Variants in DIAPH2 observed in about 807,000 individuals in gnomAD.
DIAPH2 encodes diaphanous related formin 2.
Under a neutral mutation model 92.7 loss-of-function variants are expected in DIAPH2, and 35 were observed. The observed-to-expected ratio is 0.38, with a 90% CI of 0.29 to 0.50. The LOEUF (loss-of-function observed/expected upper bound fraction) is 0.50. DIAPH2 is among the 20% of genes least tolerant of loss of function. The pLI is 0.94. For missense variants in DIAPH2, 701 were observed against 819.5 expected (o/e 0.86, Z 1.77); for synonymous variants, 301 against 280.4 (o/e 1.07, Z -0.73).
At chrX:97,208,559 A>G (rs1260095159) in intron 22 of DIAPH2, among the ~76,000 whole-genome samples, 1 of 112,118 alleles carries the variant, frequency 8.9e-6, no homozygotes, top group South Asian at 3.7e-4. Flanking sequence ...ACTTTTGCCA[A>G]AAGGGAATGA....
chrX:97,325,296 C>CT (rs1474311466), intron 23 of DIAPH2, among the ~76,000 whole-genome samples: 1 of 111,693 alleles, frequency 9.0e-6, no homozygotes. Context: ...ATCTGCAACT[C>CT]TGCTTCTTAT....
At chrX:97,154,042 C>A (rs1039108225) in intron 22 of DIAPH2, among the ~76,000 whole-genome samples, 1 of 111,609 alleles carries the variant, frequency 9.0e-6, no homozygotes, top group African/African-American at 3.3e-5. Context: ...AAAAAATTTT[C>A]TTTTATGTGC....
At chrX:96,933,070 G>C (rs1427928986) in intron 10 of DIAPH2, among the ~76,000 whole-genome samples, 1 of 110,537 alleles carries the variant, frequency 9.0e-6, no homozygotes, top group African/African-American at 3.3e-5. Flanking sequence ...GAAAGTTTTG[G>C]AATAGAACCT....
At chrX:97,226,369 G>A (rs1335187721) in intron 22 of DIAPH2, among the ~76,000 whole-genome samples, 1 of 108,709 alleles carries the variant, frequency 9.2e-6, no homozygotes, top group African/African-American at 3.5e-5. Context: ...GTTTTATTTT[G>A]TTTTGTTTTG....
chrX:97,350,732 C>A (rs916399682), intron 24 of DIAPH2, among the ~76,000 whole-genome samples: 11 of 111,945 alleles, frequency 9.8e-5, no homozygotes, highest in African/African-American at 3.2e-4. Flanking sequence ...TCTAAGAATT[C>A]TTTTCCCTGT....
At chrX:97,338,068 C>A (rs890734380) in intron 23 of DIAPH2, among the ~76,000 whole-genome samples, 1 of 109,398 alleles carries the variant, frequency 9.1e-6, no homozygotes, top group African/African-American at 3.3e-5. Flanking sequence ...AATGGGGTTT[C>A]GCCATGTTGG....
chrX:97,583,182 T>C (rs2071452688), intron 26 of DIAPH2, among the ~76,000 whole-genome samples: 1 of 112,422 alleles, frequency 8.9e-6, no homozygotes, highest in African/African-American at 3.2e-5. Flanking sequence ...CTCGTCGAAG[T>C]CATTCTCTGT....
At chrX:97,102,658 T>C (rs531717608) in intron 20 of DIAPH2, among the ~76,000 whole-genome samples, 2 of 111,973 alleles carry the variant, frequency 1.8e-5, no homozygotes, top group South Asian at 3.7e-4. Context: ...AGGATGAGGA[T>C]GCCGGGCGCG....
intron 24 of DIAPH2, among the ~76,000 whole-genome samples, chrX:97,355,015 G>A (rs1006112122): frequency 8.9e-6 from 1 of 112,209 alleles, no homozygotes; most frequent in African/African-American, 3.2e-5. Flanking sequence ...TCACTCTTAC[G>A]TTAATTCTCA....
chrX:97,165,485 GT>G (rs760607790), intron 22 of DIAPH2, among the ~76,000 whole-genome samples: 12 of 110,920 alleles, frequency 1.1e-4, no homozygotes, highest in African/African-American at 3.6e-4. Context: ...GTATTTTGGA[GT>G]TTTGTTTGTT....
At chrX:97,113,462 T>C (rs749872052) in intron 20 of DIAPH2, among the ~76,000 whole-genome samples, 1 of 112,150 alleles carries the variant, frequency 8.9e-6, no homozygotes, top group Non-Finnish European at 1.9e-5. Flanking sequence ...TGATGAGACC[T>C]ACAAAAATAC....
At chrX:96,846,672 C>T (rs979884404) in intron 4 of DIAPH2, among the ~76,000 whole-genome samples, 5 of 110,744 alleles carry the variant, frequency 4.5e-5, no homozygotes, top group Admixed American at 1.9e-4. Flanking sequence ...AATCTTCTGG[C>T]TGAATGAATC....
intron 22 of DIAPH2, among the ~76,000 whole-genome samples, chrX:97,193,518 A>C (rs1025159196): frequency 9.0e-6 from 1 of 111,596 alleles, no homozygotes; most frequent in Admixed American, 9.6e-5. Context: ...CTTGCCAAAA[A>C]TTTAAGGCCT....
At chrX:97,346,292 G>T (rs1001060415) in intron 23 of DIAPH2, among the ~76,000 whole-genome samples, 2 of 110,921 alleles carry the variant, frequency 1.8e-5, no homozygotes. Flanking sequence ...GGCGATTAAG[G>T]TTCTAAAGCT....
At chrX:97,274,015 GT>G (rs2068414101) in intron 23 of DIAPH2, among the ~76,000 whole-genome samples, 1 of 93,535 alleles carries the variant, frequency 1.1e-5, no homozygotes, top group East Asian at 3.0e-4. Flanking sequence ...CGGTGTGTGT[GT>G]GTGTGTGTGT....
At chrX:97,525,330 T>C (rs1319184277) in intron 26 of DIAPH2, among the ~76,000 whole-genome samples, 1 of 112,264 alleles carries the variant, frequency 8.9e-6, no homozygotes, top group South Asian at 3.7e-4. Flanking sequence ...TGTGTCCCCC[T>C]GCCTGGACTG....
chrX:96,962,496 C>CATATATATATATAT (rs761811314), intron 16 of DIAPH2, among the ~76,000 whole-genome samples: 1 of 44,763 alleles, frequency 2.2e-5, no homozygotes, highest in African/African-American at 8.9e-5. Flanking sequence ...CACACACACA[C>CATATATATATATAT]ATATATATAT....
In DIAPH2 at chrX:97,289,714, A is replaced by C. The variant is rs947868265; in HGVS notation, c.2844+41875A>C. Among the ~76,000 whole-genome samples, 6 of 108,853 alleles carry C rather than the reference A, an allele frequency of 5.5e-5. No homozygotes were observed. The East Asian group carries it at 1.7e-3, about 32-fold the overall frequency. 94.5% of individuals were successfully genotyped at this position (108,853 alleles called of 115,157 possible). ...GTTGAAGCAGTAAAAACAACAATCC[A>C]ATTTTTTTTTTTTTTTGGTTTGTTT... On this transcript the variant is annotated intron_variant, in intron 23 of 26. Transcript: ENST00000324765.
At position 96,957,915 on chromosome X, in the gene DIAPH2, G is replaced by A. The variant is rs149470789; in HGVS notation, c.1702G>A (p.Ala568Thr). 156 of 1,206,995 alleles carry A rather than the reference G, an allele frequency of 1.3e-4. 1 individual carries two copies. Among genetic ancestry groups the A allele is most frequent in the African/African-American group, 2.3e-4 (13 of 56,394 alleles). ...TGTAGGGCCGCCTCCACCACCACCC[G>A]CGCCACCTCTACCCGGAGGAGCTCC... is the stretch of plus-strand genomic sequence containing the variant. ...PGVGPPPPPP[A>T]PPLPGGAPLP... is the part of the protein sequence containing the mutation. The change falls in exon 16 of 27, where the codon GCG becomes ACG. Residue 568 changes from alanine to threonine, a missense_variant. Ala to Thr is a moderately conservative substitution (Grantham distance 58). Transcript: ENST00000324765.
Sources: allele counts gnomAD v4.1 joint callset (sites outside exome capture counted in the v4.1 genomes callset), GRCh38; gene constraint gnomAD v4.1.1; transcripts MANE v1.5; gene names NCBI Gene and HGNC (gene_info 2026-07-23, HGNC 2026-07-21).